The following GABBR2 variants were observed in gnomAD, a reference collection of about 807,000 sequenced individuals.
GABBR2 encodes the protein G-protein coupled receptor 51.
Under a neutral mutation model 105.6 loss-of-function variants are expected in GABBR2, and 23 were observed. That is an observed-to-expected ratio of 0.22 (90% CI 0.16 to 0.31). The LOEUF (loss-of-function observed/expected upper bound fraction) is 0.31, where lower values mean the gene tolerates loss of function less well. GABBR2 is among the 10% of genes least tolerant of loss of function. GABBR2 has a pLI of 1.00. For synonymous variants in GABBR2, 478 were observed against 499.7 expected, an observed-to-expected ratio of 0.96 and a Z score of 0.58; for missense variants, 734 against 1,245.5, an observed-to-expected ratio of 0.59 and a Z score of 6.18.
At chr9:98,633,894 G>A (rs577477611) in intron 1 of GABBR2, among the ~76,000 whole-genome samples, 3 of 152,160 alleles carry the variant, frequency 2.0e-5, no homozygotes, top group Admixed American at 6.5e-5. Context: ...GCTCAGTGCC[G>A]GTTGGGAGCT....
intron 11 of GABBR2, among the ~76,000 whole-genome samples, chr9:98,374,679 C>A (rs1174397050): frequency 2.6e-5 from 4 of 152,218 alleles, no homozygotes; most frequent in African/African-American, 9.6e-5. Flanking sequence ...GCATTTCACA[C>A]ATGTGGTCGC....
chr9:98,405,719 T>C (rs1008648869), intron 8 of GABBR2, among the ~76,000 whole-genome samples: 1 of 152,164 alleles, frequency 6.6e-6, no homozygotes, highest in African/African-American at 2.4e-5. Context: ...TTACAATGCC[T>C]AATAAAATGT....
intron 1 of GABBR2, among the ~76,000 whole-genome samples, chr9:98,613,705 G>A (rs1001272910): frequency 6.6e-6 from 1 of 152,230 alleles, no homozygotes; most frequent in Non-Finnish European, 1.5e-5. Context: ...CTCTGCTAAA[G>A]CAGTATTCAA....
At chr9:98,463,129 T>G (rs1374166362) in intron 6 of GABBR2, among the ~76,000 whole-genome samples, 1 of 152,190 alleles carries the variant, frequency 6.6e-6, no homozygotes, top group Non-Finnish European at 1.5e-5. Flanking sequence ...CCTCAAGTGA[T>G]TCACCTGCGT....
At chr9:98,527,472 A>C (rs1827983060) in intron 3 of GABBR2, among the ~76,000 whole-genome samples, 1 of 152,178 alleles carries the variant, frequency 6.6e-6, no homozygotes, top group Admixed American at 6.5e-5. Flanking sequence ...AAGAGAATTA[A>C]GAGAGGAAAA....
intron 2 of GABBR2, among the ~76,000 whole-genome samples, chr9:98,567,762 G>A (rs149290606): frequency 4.8e-4 from 73 of 152,226 alleles, no homozygotes; most frequent in African/African-American, 1.6e-3. Context: ...CTGCTAATTC[G>A]CCTAAGTTCC....
chr9:98,608,520 T>C (rs964879461), intron 1 of GABBR2, among the ~76,000 whole-genome samples: 7 of 152,220 alleles, frequency 4.6e-5, no homozygotes, highest in Admixed American at 2.6e-4. Flanking sequence ...CATAATATGA[T>C]GCAAACTATG....
At chr9:98,408,443 T>A (rs897995356) in intron 7 of GABBR2, among the ~76,000 whole-genome samples, 7 of 152,154 alleles carry the variant, frequency 4.6e-5, no homozygotes, top group Non-Finnish European at 7.4e-5. Flanking sequence ...GGTGAAGCCA[T>A]CCCTGCTACC....
At chr9:98,450,957 G>A (rs1251407708) in intron 7 of GABBR2, among the ~76,000 whole-genome samples, 1 of 152,160 alleles carries the variant, frequency 6.6e-6, no homozygotes, top group Non-Finnish European at 1.5e-5. Context: ...GTGAAGGGTG[G>A]CAAAATGCTT....
chr9:98,532,150 A>G (rs1168936548), intron 3 of GABBR2, among the ~76,000 whole-genome samples: 1 of 152,240 alleles, frequency 6.6e-6, no homozygotes, highest in East Asian at 1.9e-4. Context: ...ATTGTACAAA[A>G]ATCATATCAC....
At chr9:98,417,150 T>C (rs1832703235) in intron 7 of GABBR2, among the ~76,000 whole-genome samples, 1 of 152,232 alleles carries the variant, frequency 6.6e-6, no homozygotes, top group Non-Finnish European at 1.5e-5. Flanking sequence ...GCAGGACTAT[T>C]GGTTACGTTG....
intron 3 of GABBR2, among the ~76,000 whole-genome samples, chr9:98,539,856 C>A (rs1178701162): frequency 6.9e-6 from 1 of 145,018 alleles, no homozygotes; most frequent in East Asian, 2.0e-4. Context: ...GCAGAGGTTG[C>A]AATGAGCCGA....
At chr9:98,564,714 T>G (rs1828725325) in intron 2 of GABBR2, among the ~76,000 whole-genome samples, 1 of 152,168 alleles carries the variant, frequency 6.6e-6, no homozygotes, top group Non-Finnish European at 1.5e-5. Flanking sequence ...GAGCACCTAC[T>G]TGAGGCAAGG....
At chr9:98,355,125 C>T (rs79389950) in intron 13 of GABBR2, among the ~76,000 whole-genome samples, 3,689 of 152,080 alleles carry the variant, frequency 0.024, 159 homozygotes, top group African/African-American at 0.084. Flanking sequence ...GCAGTCAGAA[C>T]GCACAGAACA....
intron 7 of GABBR2, among the ~76,000 whole-genome samples, chr9:98,417,157 G>A (rs769219336): frequency 3.9e-5 from 6 of 152,214 alleles, no homozygotes; most frequent in Non-Finnish European, 7.3e-5. Context: ...TATTGGTTAC[G>A]TTGCACTGAG....
At chr9:98,443,554 A>G (rs538713102) in intron 7 of GABBR2, among the ~76,000 whole-genome samples, 153 of 152,340 alleles carry the variant, frequency 1.0e-3, no homozygotes, top group African/African-American at 3.4e-3. Flanking sequence ...AGACACTTGC[A>G]TTTAGATCAG....
At chr9:98,627,721 T>C (rs1829759958) in intron 1 of GABBR2, among the ~76,000 whole-genome samples, 1 of 152,236 alleles carries the variant, frequency 6.6e-6, no homozygotes, top group Non-Finnish European at 1.5e-5. Flanking sequence ...CCTATGGCCA[T>C]TCTCCTCGGT....
intron 13 of GABBR2, among the ~76,000 whole-genome samples, chr9:98,343,730 C>T (rs993645414): frequency 2.0e-5 from 3 of 151,908 alleles, no homozygotes; most frequent in East Asian, 1.9e-4. Flanking sequence ...TGGTGGCGGA[C>T]GCCTGTAGTC....
chr9:98,579,452 G>C (rs576156174), intron 1 of GABBR2, among the ~76,000 whole-genome samples: 1 of 152,244 alleles, frequency 6.6e-6, no homozygotes, highest in East Asian at 1.9e-4. Context: ...CTGGACAGTG[G>C]CTTTGGCTTC....
Sources: gnomAD v4.1 joint callset for allele counts (sites outside exome capture counted in the v4.1 genomes callset) on GRCh38, gnomAD v4.1.1 for gene constraint, MANE v1.5 for transcripts, NCBI Gene and HGNC (gene_info 2026-07-23, HGNC 2026-07-21) for gene names.